EPHA7: variants seen among roughly 807,000 people sequenced by gnomAD.
EPHA7 encodes EPH receptor A7.
A neutral mutation model predicts 112.6 loss-of-function variants in EPHA7; 25 were observed. The ratio of observed to expected loss-of-function variants is 0.22; its 90% CI spans 0.16 to 0.31. The LOEUF (loss-of-function observed/expected upper bound fraction) is 0.31. EPHA7 is among the 10% of genes least tolerant of loss of function. The pLI is 1.00. For synonymous variants in EPHA7, 437 were observed against 406.5 expected, an observed-to-expected ratio of 1.07 and a Z score of -0.90; for missense variants, 962 against 1,212.6, an observed-to-expected ratio of 0.79 and a Z score of 3.07.
intron 7 of EPHA7, among the ~76,000 whole-genome samples, chr6:93,265,970 G>T (rs2127871335): frequency 6.6e-6 from 1 of 151,560 alleles, no homozygotes; most frequent in Non-Finnish European, 1.5e-5. Flanking sequence ...CTCCTGTGTT[G>T]AAAAACAGGA....
intron 10 of EPHA7, 74 bp from the exon 11 acceptor site, chr6:93,258,358 A>T: frequency 7.4e-7 from 1 of 1,347,836 alleles, no homozygotes; most frequent in Non-Finnish European, 1.0e-6. Context: ...AAATGCGTTG[A>T]ATTATTTTTC....
At chr6:93,369,499 T>C (rs1776679292) in intron 3 of EPHA7, among the ~76,000 whole-genome samples, 1 of 152,174 alleles carries the variant, frequency 6.6e-6, no homozygotes. Context: ...AGAATAACCC[T>C]ATATAGTTTC....
chr6:93,358,322 A>G lies in EPHA7; in HGVS notation c.922T>C (p.Ser308Pro). The G allele has an allele frequency of 6.2e-7, 1 of 1,613,818 alleles. No individual in the cohort carries two copies. Among genetic ancestry groups the G allele is most frequent in the Non-Finnish European group, 8.5e-7 (1 of 1,179,812 alleles). Reference protein sequence around the residue: ...THSFSDKEGSSRCECEDGYYR... With the variant: ...THSFSDKEGSPRCECEDGYYR... ...TACCCATCTTCACATTCACATCTGG[A>G]GGAGCCTTCTTTATCAGAAAAACTG... The change falls in exon 4 of 17, where the codon TCC (serine) becomes CCC (proline). Residue 308 changes from serine (S) to proline (P), a missense_variant. Coordinates refer to ENST00000369303, the MANE Select transcript of EPHA7 (RefSeq NM_004440.4).
intron 3 of EPHA7, among the ~76,000 whole-genome samples, chr6:93,397,214 T>C (rs1162722577): frequency 2.0e-5 from 3 of 151,790 alleles, no homozygotes; most frequent in Non-Finnish European, 4.4e-5. Flanking sequence ...TAATGTCATA[T>C]AGGCTGTGCA....
intron 14 of EPHA7, among the ~76,000 whole-genome samples, chr6:93,253,558 T>C (rs775895492): frequency 6.6e-6 from 1 of 152,046 alleles, no homozygotes; most frequent in Non-Finnish European, 1.5e-5. Flanking sequence ...CTCCAAGAAT[T>C]TGCATTAGTA....
In EPHA7 at chr6:93,410,731, T is replaced by A. The variant is rs1778936680; in HGVS notation, c.602A>T (p.Tyr201Phe). 4 of 1,614,040 alleles carry A rather than the reference T, an allele frequency of 2.5e-6. No individual in the cohort carries two copies. The highest frequency in any genetic ancestry group is 2.7e-5 in the African/African-American group (2 of 75,046). The change falls in exon 3 of 17, where the codon TAC becomes TTC. Residue 201 changes from tyrosine to phenylalanine, a missense_variant. Tyr to Phe is a conservative substitution (Grantham distance 22). This residue lies in a region of EPHA7 where 160 missense variants were observed against 263.6 expected (regional missense o/e 0.61). Coordinates refer to ENST00000369303, the MANE Select transcript of EPHA7 (RefSeq NM_004440.4). This position sits in a 1 kb window ranked among gnomAD's most constrained non-coding sequence, Gnocchi z 4.0. Reference sequence around the variant, plus strand: ...AATAATGGACCAGCACTTCTTGTAGTACACTTTGACAGAAACCAAAGCTAT... The same window carrying A: ...AATAATGGACCAGCACTTCTTGTAGAACACTTTGACAGAAACCAAAGCTAT... ...ACIALVSVKV[Y>F]YKKCWSIIEN...
intron 3 of EPHA7, among the ~76,000 whole-genome samples, chr6:93,387,009 C>A (rs1240409530): frequency 1.3e-5 from 2 of 152,118 alleles, no homozygotes; most frequent in African/African-American, 2.4e-5. Flanking sequence ...CTCTGACATA[C>A]CCTGGAGACA....
At chr6:93,408,743 T>C (rs950111016) in intron 3 of EPHA7, among the ~76,000 whole-genome samples, 15 of 152,066 alleles carry the variant, frequency 9.9e-5, no homozygotes, top group African/African-American at 3.4e-4. Context: ...TTTAACTCTT[T>C]GAATAGGACA....
intron 8 of EPHA7, 57 bp downstream of exon 8, chr6:93,264,537 T>A (rs1345284959): frequency 1.8e-6 from 2 of 1,141,914 alleles, no homozygotes; most frequent in East Asian, 2.5e-5. Context: ...TAGGCTGACA[T>A]AATTCTTAAA....
Position 93,380,358 on chromosome 6 carries a change from C to A in EPHA7, c.833-21947G>T, listed in dbSNP as rs3799807. 4.6e-5 allele frequency among the ~76,000 whole-genome samples: 7 copies of A among 151,896 alleles called. No individual in the cohort carries two copies. The South Asian group carries it at 1.5e-3, about 32-fold the overall frequency. ...CAGTATATAATACAAAAGCAATATG[C>A]GACAATAAAAGCATTCCACCATGGT... On this transcript the variant is annotated intron_variant, in intron 3 of 16. Transcript: ENST00000369303.
chr6:93,252,813 T>A (rs1770273725), intron 14 of EPHA7, among the ~76,000 whole-genome samples: 1 of 151,834 alleles, frequency 6.6e-6, no homozygotes, highest in Non-Finnish European at 1.5e-5. Context: ...AATAAAAAAA[T>A]TAAAGAATGT....
intron 5 of EPHA7, among the ~76,000 whole-genome samples, chr6:93,353,804 C>G (rs998398601): frequency 1.3e-5 from 2 of 151,834 alleles, no homozygotes; most frequent in African/African-American, 4.8e-5. Flanking sequence ...AGACTAGAAA[C>G]TAGAACTCAG....
chr6:93,381,559 A>T (rs974193369), intron 3 of EPHA7, among the ~76,000 whole-genome samples: 15 of 152,202 alleles, frequency 9.9e-5, no homozygotes, highest in African/African-American at 3.6e-4. Context: ...TCTATTAATT[A>T]TAACAAATGG....
chr6:93,291,822 A>G (rs1246203237), intron 5 of EPHA7, among the ~76,000 whole-genome samples: 1 of 150,872 alleles, frequency 6.6e-6, no homozygotes, highest in African/African-American at 2.4e-5. Context: ...GGTTATGTGT[A>G]CAAAAACAAG....
At chr6:93,392,050 T>C (rs536846157) in intron 3 of EPHA7, among the ~76,000 whole-genome samples, 1 of 152,116 alleles carries the variant, frequency 6.6e-6, no homozygotes, top group African/African-American at 2.4e-5. Flanking sequence ...TAAAAAATTA[T>C]ACAGTACATT....
chr6:93,389,056 T>C (rs1180365493), intron 3 of EPHA7, among the ~76,000 whole-genome samples: 1 of 152,060 alleles, frequency 6.6e-6, no homozygotes, highest in African/African-American at 2.4e-5. Context: ...CAGTAGGATG[T>C]ACAGAAATTG....
chr6:93,368,065 A>G lies in EPHA7; in HGVS notation c.833-9654T>C, dbSNP rs971456896. ...ACTGTGTCAGGCAGGCAATGTACCAAAAAGGTATATCAGCTAAAAAGACAA... is the reference window on the plus strand; with the variant it reads ...ACTGTGTCAGGCAGGCAATGTACCAGAAAGGTATATCAGCTAAAAAGACAA... On this transcript the variant is annotated intron_variant, in intron 3 of 16. Transcript: ENST00000369303. 1.3e-5 allele frequency among the ~76,000 whole-genome samples: 2 copies of G among 152,184 alleles called. 1 individual carries two copies. The highest frequency in any genetic ancestry group is 3.9e-4 in the East Asian group (2 of 5,192).
intron 5 of EPHA7, among the ~76,000 whole-genome samples, chr6:93,334,455 C>A (rs1168978237): frequency 6.6e-6 from 1 of 151,922 alleles, no homozygotes; most frequent in Non-Finnish European, 1.5e-5. Context: ...AAACAGACAA[C>A]CTACAGAATG....
At chr6:93,405,833 ATAT>A in intron 3 of EPHA7, among the ~76,000 whole-genome samples, 1 of 132,992 alleles carries the variant, frequency 7.5e-6, no homozygotes, top group South Asian at 2.4e-4. Flanking sequence ...ATATATATAT[ATAT>A]ATATATATAT....
Sources: gnomAD v4.1 joint callset for allele counts (sites outside exome capture counted in the v4.1 genomes callset) on GRCh38, gnomAD v4.1.1 for gene constraint, gnomAD v4.1.1 regional missense constraint, Gnocchi (gnomAD v3.1) non-coding constraint, MANE v1.5 for transcripts, NCBI Gene and HGNC (gene_info 2026-07-23, HGNC 2026-07-21) for gene names.